EPHA3: variants seen among roughly 807,000 people sequenced by gnomAD.
The protein encoded by EPHA3 is ephrin type-A receptor 3.
In EPHA3, 42 loss-of-function variants were observed where a neutral mutation model predicts 107.1. The ratio of observed to expected loss-of-function variants is 0.39; its 90% CI spans 0.31 to 0.51. The LOEUF (loss-of-function observed/expected upper bound fraction) is 0.51, where lower values mean the gene tolerates loss of function less well. Ranked by LOEUF, EPHA3 falls within the 20% of genes least tolerant of loss-of-function variation. The probability of loss-of-function intolerance (pLI) is 0.78; values close to 1 mark genes in which losing one functional copy is unlikely to be tolerated. For synonymous variants in EPHA3, 461 were observed against 424.8 expected (o/e 1.09, Z -1.05); for missense variants, 1,183 against 1,211.2 (o/e 0.98, Z 0.35).
rs770702909 is a variant in EPHA3, at chr3:89,395,883, T to C, written c.1353T>C (p.Asn451=). The part of the protein sequence containing the change: ...LTIKKDRTSR[N]SISLSWQEPE... ...TTAAGAAAGATCGGACCTCCAGAAA[T>C]AGCATCTCTTTGTCCTGGCAAGAAC... The change falls in exon 6 of 17, where the codon AAT becomes AAC. Residue 451 remains asparagine (N), a synonymous_variant. Transcript: ENST00000336596. 7.4e-6 allele frequency: 12 copies of C among 1,614,028 alleles called. No homozygotes were observed. The highest frequency in any genetic ancestry group is 1.0e-5 in the Non-Finnish European group (12 of 1,179,942).
At chr3:89,437,978 A>G (rs1298957427) in intron 13 of EPHA3, among the ~76,000 whole-genome samples, 2 of 151,986 alleles carry the variant, frequency 1.3e-5, no homozygotes, top group East Asian at 3.8e-4. Context: ...TACTAACTAG[A>G]TTTTGTTACA....
At chr3:89,250,401 A>G (rs1307167974) in intron 3 of EPHA3, among the ~76,000 whole-genome samples, 5 of 152,142 alleles carry the variant, frequency 3.3e-5, no homozygotes, top group African/African-American at 1.2e-4. Context: ...TGTAACATCA[A>G]GGTATTGCTA....
chr3:89,230,980 A>G (rs1250586368), intron 3 of EPHA3, among the ~76,000 whole-genome samples: 1 of 152,018 alleles, frequency 6.6e-6, no homozygotes, highest in East Asian at 1.9e-4. Flanking sequence ...AATCTGTAAT[A>G]TTTTTTAATA....
chr3:89,147,144 A>C (rs1704577518), intron 2 of EPHA3, among the ~76,000 whole-genome samples: 1 of 151,886 alleles, frequency 6.6e-6, no homozygotes, highest in African/African-American at 2.4e-5. Flanking sequence ...ATGAGAACAC[A>C]TGAACACAGG....
At chr3:89,423,211 T>C (rs1435813341) in intron 11 of EPHA3, among the ~76,000 whole-genome samples, 1 of 151,438 alleles carries the variant, frequency 6.6e-6, no homozygotes, top group Admixed American at 6.6e-5. Context: ...AACTTAAGTG[T>C]AACTTTGCAT....
At chr3:89,138,109 A>G (rs1210924945) in intron 2 of EPHA3, among the ~76,000 whole-genome samples, 1 of 151,874 alleles carries the variant, frequency 6.6e-6, no homozygotes, top group Non-Finnish European at 1.5e-5. Context: ...TCAGGGCTGT[A>G]GTTCATCTCA....
At chr3:89,474,819 C>T (rs759537613) in intron 16 of EPHA3, among the ~76,000 whole-genome samples, 4 of 152,158 alleles carry the variant, frequency 2.6e-5, no homozygotes, top group Admixed American at 6.6e-5. Context: ...CCATGTTGGA[C>T]GTCAAACTCT....
At chr3:89,399,575 A>G in intron 7 of EPHA3, 95 bp downstream of exon 7, 2 of 1,533,066 alleles carry the variant, frequency 1.3e-6, no homozygotes, top group East Asian at 2.3e-5. Context: ...TTTTAAACAA[A>G]TGTGATACAT....
At chr3:89,457,707 A>C (rs751126287) in intron 15 of EPHA3, among the ~76,000 whole-genome samples, 5 of 152,188 alleles carry the variant, frequency 3.3e-5, no homozygotes, top group African/African-American at 1.2e-4. Flanking sequence ...GAGACACTGA[A>C]GTTACTGAAG....
chr3:89,299,286 G>A (rs1226857481), intron 3 of EPHA3, among the ~76,000 whole-genome samples: 1 of 151,962 alleles, frequency 6.6e-6, no homozygotes, highest in African/African-American at 2.4e-5. Context: ...TTAAATCATT[G>A]TAACAAAGAT....
At chr3:89,447,419 T>G (rs1330138927) in intron 13 of EPHA3, among the ~76,000 whole-genome samples, 1 of 152,136 alleles carries the variant, frequency 6.6e-6, no homozygotes, top group Non-Finnish European at 1.5e-5. Flanking sequence ...GCTCTACCTT[T>G]TCAAAGAGCT....
At chr3:89,387,965 T>C (rs908858339) in intron 5 of EPHA3, among the ~76,000 whole-genome samples, 2 of 152,156 alleles carry the variant, frequency 1.3e-5, no homozygotes, top group Admixed American at 6.5e-5. Context: ...ATCTTGTGTA[T>C]ACTGTTATCA....
chr3:89,110,607 A>G (rs7428438), intron 1 of EPHA3, among the ~76,000 whole-genome samples: 60,935 of 151,774 alleles, frequency 0.4, 13,000 homozygotes, highest in Admixed American at 0.49. Context: ...GAACTTTATA[A>G]AAACTTTATT....
At chr3:89,253,083 C>T (rs889217402) in intron 3 of EPHA3, among the ~76,000 whole-genome samples, 1 of 151,900 alleles carries the variant, frequency 6.6e-6, no homozygotes, top group Non-Finnish European at 1.5e-5. Context: ...GGAGGTGAAA[C>T]GCTGGTTAAA....
chr3:89,461,181 A>G (rs1710232328), intron 15 of EPHA3, among the ~76,000 whole-genome samples: 1 of 101,830 alleles, frequency 9.8e-6, no homozygotes, highest in Non-Finnish European at 1.9e-5. Flanking sequence ...GCTGCATAGT[A>G]TTCCATGGTG....
intron 1 of EPHA3, among the ~76,000 whole-genome samples, chr3:89,109,051 A>G (rs1707038786): frequency 6.6e-6 from 1 of 152,156 alleles, no homozygotes; most frequent in South Asian, 2.1e-4. Flanking sequence ...GTTTTTTATT[A>G]AATGTAATAA....
chr3:89,276,077 G>A (rs2107306348), intron 3 of EPHA3, among the ~76,000 whole-genome samples: 1 of 152,132 alleles, frequency 6.6e-6, no homozygotes, highest in African/African-American at 2.4e-5. Context: ...ATAGAAAAAT[G>A]GCTGTGCTTG....
intron 2 of EPHA3, among the ~76,000 whole-genome samples, chr3:89,158,447 T>C (rs1235380108): frequency 6.6e-6 from 1 of 152,102 alleles, no homozygotes; most frequent in Non-Finnish European, 1.5e-5. Context: ...TGAAAGAATA[T>C]GCAAAGTATT....
intron 1 of EPHA3, among the ~76,000 whole-genome samples, chr3:89,112,943 T>G: frequency 6.6e-6 from 1 of 152,296 alleles, no homozygotes; most frequent in South Asian, 2.1e-4. Context: ...TTTAAAATAT[T>G]TAATAAACCT....
Sources: gnomAD v4.1 joint callset for allele counts (sites outside exome capture counted in the v4.1 genomes callset) on GRCh38, gnomAD v4.1.1 for gene constraint, MANE v1.5 for transcripts, NCBI Gene and HGNC (gene_info 2026-07-23, HGNC 2026-07-21) for gene names.